Variants in MPDZ observed in about 807,000 individuals in gnomAD.
MPDZ encodes the protein multiple PDZ domain crumbs cell polarity complex component.
A neutral mutation model predicts 239.1 loss-of-function variants in MPDZ; 234 were observed. That is an observed-to-expected ratio of 0.98 (90% CI 0.88 to 1.09). The LOEUF is 1.09. Ranked by LOEUF, MPDZ falls within the 50% of genes least tolerant of loss-of-function variation. The probability of loss-of-function intolerance (pLI) is 0.00; values close to 1 mark genes in which losing one functional copy is unlikely to be tolerated. For missense variants in MPDZ, 3,175 were observed against 2,510.0 expected (o/e 1.26, Z -5.66); for synonymous variants, 1,048 against 881.3 (o/e 1.19, Z -3.35).
At chr9:13,185,206 G>C (rs1953932205) in intron 18 of MPDZ, among the ~76,000 whole-genome samples, 1 of 151,942 alleles carries the variant, frequency 6.6e-6, no homozygotes, top group Non-Finnish European at 1.5e-5. Flanking sequence ...GTATTACAGT[G>C]TGAAATTATT....
chr9:13,187,573 CTCTT>C (rs1342310229), intron 17 of MPDZ, among the ~76,000 whole-genome samples: 5 of 152,142 alleles, frequency 3.3e-5, no homozygotes, highest in Admixed American at 6.6e-5. Context: ...CCTCCTCCTT[CTCTT>C]TCTTTTTTCA....
chr9:13,168,666 A>G lies in MPDZ; in HGVS notation c.3056-102T>C, dbSNP rs1951397557. On this transcript the variant is annotated intron_variant, in intron 21 of 46. Transcript: ENST00000319217. ...TATGATTTATAGATTAAAAAATACAAGTAACATTTCAGTCAATAAAAAGCA... is the reference window on the plus strand; with the variant it reads ...TATGATTTATAGATTAAAAAATACAGGTAACATTTCAGTCAATAAAAAGCA... 8.6e-6 allele frequency: 8 copies of G among 934,120 alleles called. No homozygotes were observed. The South Asian group carries it at 9.8e-5, about 11-fold the overall frequency. The allele number at this position is 934,120 out of a possible 1,614,324, so 57.9% of individuals were successfully genotyped here.
At chr9:13,160,392 G>A (rs1950319330) in intron 23 of MPDZ, among the ~76,000 whole-genome samples, 1 of 152,136 alleles carries the variant, frequency 6.6e-6, no homozygotes, top group East Asian at 1.9e-4. Flanking sequence ...GCTAGTCACA[G>A]CACAGGACAA....
intron 12 of MPDZ, among the ~76,000 whole-genome samples, chr9:13,200,273 T>A (rs891023869): frequency 9.9e-5 from 15 of 152,022 alleles, no homozygotes; most frequent in African/African-American, 3.6e-4. Flanking sequence ...TCCTATGTAT[T>A]TCAATAGTAT....
intron 1 of MPDZ, among the ~76,000 whole-genome samples, chr9:13,278,313 C>T (rs1445358384): frequency 2.6e-5 from 4 of 152,184 alleles, no homozygotes; most frequent in African/African-American, 9.7e-5. Context: ...GTGCCCATTG[C>T]CGGGGTCTTC....
At position 13,113,186 on chromosome 9, in the gene MPDZ, C is replaced by T. The variant is rs567988740; in HGVS notation, c.5558-132G>A. 3.2e-4 allele frequency: 222 copies of T among 694,742 alleles called. 6 individuals carry two copies. Among genetic ancestry groups the T allele is most frequent in the Middle Eastern group, 2.3e-3 (6 of 2,656 alleles). 43.0% of individuals were successfully genotyped at this position (694,742 alleles called of 1,614,324 possible). A position where few individuals can be genotyped will look rare whatever the true frequency, so the allele number is the denominator to read the frequency against. On this transcript the variant is annotated intron_variant, in intron 41 of 46. Transcript: ENST00000319217. ...TTTTTTAAGGGGGTGCTCAAAGCTGCTAGTACACATGATTAGATCTGTCTT... is the reference window on the plus strand; with the variant it reads ...TTTTTTAAGGGGGTGCTCAAAGCTGTTAGTACACATGATTAGATCTGTCTT...
intron 1 of MPDZ, among the ~76,000 whole-genome samples, chr9:13,254,235 G>A (rs1260944373): frequency 6.6e-6 from 1 of 152,162 alleles, no homozygotes; most frequent in Non-Finnish European, 1.5e-5. Context: ...TCAGAATTAT[G>A]TATATTAGAA....
intron 39 of MPDZ, among the ~76,000 whole-genome samples, chr9:13,118,376 A>C (rs2131461088): frequency 6.6e-6 from 1 of 152,356 alleles, no homozygotes; most frequent in East Asian, 1.9e-4. Context: ...CAAATTTATA[A>C]ACACATTCAT....
intron 15 of MPDZ, among the ~76,000 whole-genome samples, chr9:13,190,552 T>G (rs901458013): frequency 6.6e-6 from 1 of 152,108 alleles, no homozygotes; most frequent in Non-Finnish European, 1.5e-5. Context: ...TATGCAATGG[T>G]TATATCTCGA....
intron 31 of MPDZ, chr9:13,135,834 T>C (rs772075025): frequency 3.5e-4 from 99 of 283,924 alleles, no homozygotes; most frequent in Non-Finnish European, 4.8e-4. Flanking sequence ...TTATCCTCAA[T>C]TTCTTTTCAG....
intron 22 of MPDZ, 86 bp downstream of exon 22, chr9:13,168,280 A>C: frequency 8.7e-6 from 11 of 1,271,458 alleles, no homozygotes; most frequent in Non-Finnish European, 1.2e-5. Flanking sequence ...TTTGCATCTC[A>C]AACAGAAGTG....
intron 3 of MPDZ, among the ~76,000 whole-genome samples, chr9:13,234,033 A>G (rs1963279419): frequency 6.6e-6 from 1 of 152,100 alleles, no homozygotes; most frequent in South Asian, 2.1e-4. Context: ...GTCTTCCCAA[A>G]TATTATAAAT....
intron 1 of MPDZ, among the ~76,000 whole-genome samples, chr9:13,252,567 G>GC (rs1968353935): frequency 3.3e-5 from 1 of 30,570 alleles, no homozygotes; most frequent in Non-Finnish European, 7.2e-5. Context: ...TCTGTCCCCC[G>GC]CAAAAAAAAA....
chr9:13,129,818 C>G (rs939548902), intron 32 of MPDZ, among the ~76,000 whole-genome samples: 1 of 152,032 alleles, frequency 6.6e-6, no homozygotes, highest in Non-Finnish European at 1.5e-5. Context: ...TCCCAAATAG[C>G]TGGGACTACA....
intron 31 of MPDZ, chr9:13,134,193 G>T (rs1164107388): frequency 6.2e-6 from 1 of 162,430 alleles, no homozygotes. Flanking sequence ...GTGGCTTGAA[G>T]ACTGCCTGGG....
chr9:13,263,114 T>C (rs1971053297), intron 1 of MPDZ, among the ~76,000 whole-genome samples: 1 of 152,126 alleles, frequency 6.6e-6, no homozygotes, highest in Admixed American at 6.5e-5. Flanking sequence ...CATAAAATGA[T>C]ATAATGTCCA....
At chr9:13,244,040 A>G (rs1330878767) in intron 3 of MPDZ, among the ~76,000 whole-genome samples, 3 of 152,170 alleles carry the variant, frequency 2.0e-5, no homozygotes, top group Non-Finnish European at 4.4e-5. Flanking sequence ...AAATAATCTT[A>G]GCAATGTCGA....
chr9:13,184,760 T>A (rs184714619), intron 18 of MPDZ, among the ~76,000 whole-genome samples: 8 of 152,132 alleles, frequency 5.3e-5, no homozygotes, highest in Middle Eastern at 3.4e-3. Context: ...ATTGCTGATA[T>A]CTTAGGATCT....
At chr9:13,212,635 G>C (rs1957758688) in intron 10 of MPDZ, among the ~76,000 whole-genome samples, 1 of 151,432 alleles carries the variant, frequency 6.6e-6, no homozygotes, top group African/African-American at 2.4e-5. Flanking sequence ...AGTAGAACTA[G>C]GTAGTATAAT....
Sources: allele counts gnomAD v4.1 joint callset (sites outside exome capture counted in the v4.1 genomes callset), GRCh38; gene constraint gnomAD v4.1.1; transcripts MANE v1.5; gene names NCBI Gene and HGNC (gene_info 2026-07-23, HGNC 2026-07-21).